Variants in RSRC1 observed in about 807,000 individuals in gnomAD.
RSRC1 encodes the protein arginine and serine rich coiled-coil 1.
Under a neutral mutation model 49.1 loss-of-function variants are expected in RSRC1, and 39 were observed. The ratio of observed to expected loss-of-function variants is 0.79; its 90% CI spans 0.61 to 1.04. The LOEUF (loss-of-function observed/expected upper bound fraction) is 1.04. Among genes scored for constraint, RSRC1 ranks in the 50% least tolerant of loss-of-function variants. The pLI is 0.00. For synonymous variants in RSRC1, 143 were observed against 130.8 expected (o/e 1.09, Z -0.63); for missense variants, 388 against 402.4 (o/e 0.96, Z 0.31).
chr3:158,481,324 C>G (rs1399870376), intron 7 of RSRC1, among the ~76,000 whole-genome samples: 3 of 152,126 alleles, frequency 2.0e-5, no homozygotes, highest in Admixed American at 1.3e-4. Flanking sequence ...CTGTACTGTT[C>G]TGTTCGCATA....
At chr3:158,172,531 G>A (rs996306223) in intron 3 of RSRC1, among the ~76,000 whole-genome samples, 1 of 152,116 alleles carries the variant, frequency 6.6e-6, no homozygotes, top group Non-Finnish European at 1.5e-5. Context: ...TATGTTAGTA[G>A]CACATCTCTC....
intron 4 of RSRC1, among the ~76,000 whole-genome samples, chr3:158,209,077 G>A (rs2108286151): frequency 6.6e-6 from 1 of 152,260 alleles, no homozygotes; most frequent in East Asian, 1.9e-4. Context: ...AGGGGAATTT[G>A]GATGGGATTG....
At chr3:158,353,961 G>A (rs1308752098) in intron 5 of RSRC1, among the ~76,000 whole-genome samples, 1 of 149,532 alleles carries the variant, frequency 6.7e-6, no homozygotes, top group African/African-American at 2.5e-5. Flanking sequence ...CTCAGAGTGT[G>A]GTCACTGGTA....
chr3:158,308,437 A>G (rs965091018), intron 5 of RSRC1, among the ~76,000 whole-genome samples: 1 of 152,032 alleles, frequency 6.6e-6, no homozygotes, highest in East Asian at 1.9e-4. Flanking sequence ...CTCGGCAGCA[A>G]CAGTGTGCTA....
chr3:158,285,131 C>T (rs911478236), intron 4 of RSRC1, among the ~76,000 whole-genome samples: 4 of 152,148 alleles, frequency 2.6e-5, no homozygotes, highest in African/African-American at 4.8e-5. Context: ...GTTTTCCCAG[C>T]ACCATTTATT....
intron 7 of RSRC1, among the ~76,000 whole-genome samples, chr3:158,506,454 C>T (rs1043682044): frequency 7.9e-5 from 12 of 151,978 alleles, no homozygotes; most frequent in Non-Finnish European, 1.5e-4. Flanking sequence ...TATTTAGAGA[C>T]TCTTATTGTA....
chr3:158,509,750 A>G (rs1409762476), intron 7 of RSRC1, among the ~76,000 whole-genome samples: 1 of 152,170 alleles, frequency 6.6e-6, no homozygotes, highest in Non-Finnish European at 1.5e-5. Flanking sequence ...TACCATAGTG[A>G]TAGTACTGTC....
chr3:158,406,008 A>G (rs1734145428), intron 6 of RSRC1, among the ~76,000 whole-genome samples: 2 of 152,144 alleles, frequency 1.3e-5, no homozygotes, highest in African/African-American at 4.8e-5. Flanking sequence ...ATTTCATTTT[A>G]TAAATTTGTA....
chr3:158,343,543 T>G (rs998468366), intron 5 of RSRC1, among the ~76,000 whole-genome samples: 8 of 152,228 alleles, frequency 5.3e-5, no homozygotes, highest in African/African-American at 1.9e-4. Context: ...AAGGACATTA[T>G]TAATAGAGTT....
At chr3:158,359,935 G>C (rs1731377438) in intron 6 of RSRC1, among the ~76,000 whole-genome samples, 1 of 152,182 alleles carries the variant, frequency 6.6e-6, no homozygotes, top group African/African-American at 2.4e-5. Context: ...TCCACAGCCA[G>C]AGTATCCTAA....
At chr3:158,177,766 T>C (rs1719320072) in intron 3 of RSRC1, among the ~76,000 whole-genome samples, 1 of 152,276 alleles carries the variant, frequency 6.6e-6, no homozygotes, top group African/African-American at 2.4e-5. Context: ...ACTCTGCACA[T>C]GTACCCTAGA....
chr3:158,157,759 T>C (rs1269929544), intron 3 of RSRC1, among the ~76,000 whole-genome samples: 2 of 151,970 alleles, frequency 1.3e-5, no homozygotes, highest in Non-Finnish European at 2.9e-5. Context: ...CTACTAAAAA[T>C]ACAAAATTAG....
At chr3:158,541,349 T>G (rs1392340687) in intron 8 of RSRC1, among the ~76,000 whole-genome samples, 2 of 152,210 alleles carry the variant, frequency 1.3e-5, no homozygotes, top group Non-Finnish European at 2.9e-5. Flanking sequence ...TAGTCCTTTA[T>G]AGCACATACT....
At chr3:158,520,676 G>A (rs368805893) in intron 7 of RSRC1, among the ~76,000 whole-genome samples, 1 of 152,234 alleles carries the variant, frequency 6.6e-6, no homozygotes, top group Non-Finnish European at 1.5e-5. Flanking sequence ...GAGTCAGCCT[G>A]TAAAAACTCT....
chr3:158,239,030 A>C (rs911633255), intron 4 of RSRC1, among the ~76,000 whole-genome samples: 2 of 151,482 alleles, frequency 1.3e-5, no homozygotes, highest in Admixed American at 6.6e-5. Context: ...AGAAAAAAAA[A>C]CCATCAAAAA....
rs114233587 is a variant in RSRC1, at chr3:158,253,686, T to A, written c.495-44353T>A. Among the ~76,000 whole-genome samples, 535 of 152,302 alleles carry A rather than the reference T, an allele frequency of 3.5e-3. 2 individuals are homozygous for A. Among genetic ancestry groups the A allele is most frequent in the African/African-American group, 0.012 (498 of 41,566 alleles). ...GTGTTAAAATCTCCGGCTATTGTAC[T>A]GAAATCTGTTTCTCTCTTTAGGTCT... On this transcript the variant is annotated intron_variant, in intron 4 of 9. Coordinates refer to ENST00000611884, the MANE Select transcript of RSRC1 (RefSeq NM_001271838.2).
At chr3:158,392,751 G>T (rs1246740932) in intron 6 of RSRC1, among the ~76,000 whole-genome samples, 1 of 151,992 alleles carries the variant, frequency 6.6e-6, no homozygotes, top group Non-Finnish European at 1.5e-5. Flanking sequence ...CACCTTGCTT[G>T]ACGTTACTGG....
At chr3:158,514,805 A>G (rs1007038248) in intron 7 of RSRC1, among the ~76,000 whole-genome samples, 2 of 152,184 alleles carry the variant, frequency 1.3e-5, no homozygotes, top group African/African-American at 4.8e-5. Context: ...GTGCTCCAGT[A>G]TTGGGTGCAT....
At chr3:158,419,454 T>C (rs923081732) in intron 6 of RSRC1, among the ~76,000 whole-genome samples, 2 of 151,952 alleles carry the variant, frequency 1.3e-5, no homozygotes, top group Admixed American at 1.3e-4. Flanking sequence ...AACCAGAAAC[T>C]TGAGTTCTGT....
Sources: gnomAD v4.1 joint callset for allele counts (sites outside exome capture counted in the v4.1 genomes callset) on GRCh38, gnomAD v4.1.1 for gene constraint, MANE v1.5 for transcripts, NCBI Gene and HGNC (gene_info 2026-07-23, HGNC 2026-07-21) for gene names.